RBFOX1: variants seen among roughly 807,000 people sequenced by gnomAD.
The protein encoded by RBFOX1 is RNA binding fox-1 homolog 1, also known as RNA binding protein fox-1 homolog 1.
RBFOX1 carries 8 observed loss-of-function variants against 57.7 expected under a neutral mutation model. The observed-to-expected ratio is 0.14, with a 90% CI of 0.08 to 0.25. The LOEUF (loss-of-function observed/expected upper bound fraction) is 0.25, where lower values mean the gene tolerates loss of function less well. RBFOX1 is among the 10% of genes least tolerant of loss of function. The pLI, the probability that RBFOX1 is intolerant of heterozygous loss-of-function variation, is 1.00. For synonymous variants in RBFOX1, 326 were observed against 222.4 expected, an observed-to-expected ratio of 1.47 and a Z score of -4.15; for missense variants, 611 against 548.5, an observed-to-expected ratio of 1.11 and a Z score of -1.14.
At chr16:7,582,768 C>T (rs2093874188) in intron 6 of RBFOX1, among the ~76,000 whole-genome samples, 1 of 152,150 alleles carries the variant, frequency 6.6e-6, no homozygotes, top group South Asian at 2.1e-4. Context: ...CAGGGGTTTA[C>T]AGTGAGGACA....
chr16:6,926,668 G>C (rs1289296974), intron 3 of RBFOX1, among the ~76,000 whole-genome samples: 2 of 152,104 alleles, frequency 1.3e-5, no homozygotes, highest in Admixed American at 6.5e-5. Flanking sequence ...GTAAACATAT[G>C]TGCATGGTTA....
At chr16:7,282,197 C>G (rs1181009245) in intron 4 of RBFOX1, among the ~76,000 whole-genome samples, 1 of 152,106 alleles carries the variant, frequency 6.6e-6, no homozygotes, top group African/African-American at 2.4e-5. Flanking sequence ...AGGACAGAAT[C>G]CACCACTCAC....
At chr16:5,422,036 C>T (rs770401335) in intron 1 of RBFOX1, among the ~76,000 whole-genome samples, 6 of 152,344 alleles carry the variant, frequency 3.9e-5, no homozygotes, top group Admixed American at 6.5e-5. Context: ...AAAGCAATTA[C>T]GCAGTACCTG....
chr16:7,173,387 G>C (rs2081074844), intron 4 of RBFOX1, among the ~76,000 whole-genome samples: 1 of 152,134 alleles, frequency 6.6e-6, no homozygotes, highest in African/African-American at 2.4e-5. Flanking sequence ...CTATAAAACA[G>C]AATTCAGAAA....
At chr16:7,139,176 C>CTG (rs1388063094) in intron 4 of RBFOX1, among the ~76,000 whole-genome samples, 66 of 145,908 alleles carry the variant, frequency 4.5e-4, no homozygotes, top group African/African-American at 1.3e-3. Context: ...CAATCTCTCT[C>CTG]TGTGTGTGTG....
chr16:5,464,857 G>C (rs1019209503), intron 1 of RBFOX1, among the ~76,000 whole-genome samples: 2 of 152,202 alleles, frequency 1.3e-5, no homozygotes, highest in Non-Finnish European at 2.9e-5. Flanking sequence ...GGGAGGCACA[G>C]GGTGTGGCTC....
chr16:6,641,518 T>C lies in RBFOX1; in HGVS notation c.-63-13085T>C, dbSNP rs547935388. Among the ~76,000 whole-genome samples, 4 of 152,114 alleles carry C rather than the reference T, an allele frequency of 2.6e-5. No homozygotes were observed. The South Asian group carries it at 8.3e-4, about 32-fold the overall frequency. On this transcript the variant is annotated intron_variant, in intron 2 of 15. Transcript: ENST00000550418. The stretch of plus-strand genomic sequence containing the variant: ...GGGAGGCCGAGGCGGGCAGATCGCT[T>C]GAGCCCAGGAGTTTAAGACAAGACC...
At chr16:6,899,284 G>T (rs537099737) in intron 3 of RBFOX1, among the ~76,000 whole-genome samples, 130 of 152,196 alleles carry the variant, frequency 8.5e-4, no homozygotes, top group African/African-American at 2.8e-3. Flanking sequence ...ATGTATGTGT[G>T]TATAATACAT....
chr16:6,710,944 G>T (rs778192061), intron 3 of RBFOX1, among the ~76,000 whole-genome samples: 5 of 152,206 alleles, frequency 3.3e-5, no homozygotes, highest in Non-Finnish European at 5.9e-5. Flanking sequence ...ATCCATGAAG[G>T]CTACATGTAA....
intron 1 of RBFOX1, among the ~76,000 whole-genome samples, chr16:6,234,087 AT>A (rs1486879269): frequency 6.6e-6 from 1 of 152,170 alleles, no homozygotes; most frequent in Non-Finnish European, 1.5e-5. Flanking sequence ...AGCTTCTTTT[AT>A]AAGAGCATTC....
intron 1 of RBFOX1, among the ~76,000 whole-genome samples, chr16:6,106,816 C>T (rs190523470): frequency 4.6e-5 from 7 of 152,196 alleles, no homozygotes; most frequent in African/African-American, 9.6e-5. Context: ...CACAGATGCC[C>T]ATCACCATGC....
chr16:5,853,683 C>G (rs1316060442), intron 3 of RBFOX1, among the ~76,000 whole-genome samples: 2 of 152,220 alleles, frequency 1.3e-5, no homozygotes, highest in Non-Finnish European at 2.9e-5. Context: ...GATGTGAAGT[C>G]CTGTAGACGA....
chr16:7,436,345 T>G (rs1168885191), intron 4 of RBFOX1, among the ~76,000 whole-genome samples: 1 of 152,212 alleles, frequency 6.6e-6, no homozygotes, highest in Non-Finnish European at 1.5e-5. Context: ...TAGGCAAACT[T>G]GGACAAACGT....
intron 4 of RBFOX1, among the ~76,000 whole-genome samples, chr16:7,113,797 A>G (rs992714746): frequency 5.3e-5 from 8 of 152,110 alleles, no homozygotes; most frequent in African/African-American, 1.9e-4. Context: ...GATGGGCATT[A>G]AAGTTCCCTC....
chr16:6,062,422 T>C (rs973967063), intron 1 of RBFOX1, among the ~76,000 whole-genome samples: 2 of 151,948 alleles, frequency 1.3e-5, no homozygotes, highest in Non-Finnish European at 2.9e-5. Flanking sequence ...GTCATCTCAT[T>C]AACATACAAA....
chr16:6,636,294 C>T (rs1363432560), intron 2 of RBFOX1, among the ~76,000 whole-genome samples: 1 of 152,076 alleles, frequency 6.6e-6, no homozygotes, highest in African/African-American at 2.4e-5. Flanking sequence ...CCTCAGCCTC[C>T]CGAGTAGCTG....
intron 2 of RBFOX1, among the ~76,000 whole-genome samples, chr16:5,586,360 C>T (rs760581411): frequency 5.9e-5 from 9 of 152,190 alleles, no homozygotes; most frequent in South Asian, 2.1e-4. Flanking sequence ...GGGTGATTAT[C>T]ATATAAAGCC....
At chr16:5,998,707 G>C (rs1341926527) in intron 4 of RBFOX1, among the ~76,000 whole-genome samples, 1 of 152,170 alleles carries the variant, frequency 6.6e-6, no homozygotes, top group Admixed American at 6.5e-5. Context: ...TACAGAATAT[G>C]AGAACTTTAC....
At chr16:6,445,876 C>T (rs541871791) in intron 2 of RBFOX1, among the ~76,000 whole-genome samples, 5 of 151,694 alleles carry the variant, frequency 3.3e-5, no homozygotes, top group Admixed American at 6.6e-5. Flanking sequence ...CCACTGCGCC[C>T]GGCCATCTCT....
Sources: allele counts gnomAD v4.1 joint callset (sites outside exome capture counted in the v4.1 genomes callset), GRCh38; gene constraint gnomAD v4.1.1; transcripts MANE v1.5; gene names NCBI Gene and HGNC (gene_info 2026-07-23, HGNC 2026-07-21).